Variants in DBN1 observed in about 807,000 individuals in gnomAD.
DBN1 encodes the protein drebrin.
In DBN1, 21 loss-of-function variants were observed where a neutral mutation model predicts 83.5. The ratio of observed to expected loss-of-function variants is 0.25; its 90% CI spans 0.18 to 0.36. The LOEUF (loss-of-function observed/expected upper bound fraction) is 0.36, where lower values mean the gene tolerates loss of function less well. Among genes scored for constraint, DBN1 ranks in the 10% least tolerant of loss-of-function variants. DBN1 has a pLI of 1.00. For missense variants in DBN1, 874 were observed against 935.7 expected (o/e 0.93, Z 0.86); for synonymous variants, 381 against 384.9 (o/e 0.99, Z 0.12).
intron 1 of DBN1, among the ~76,000 whole-genome samples, chr5:177,470,443 CT>C (rs1024448074): frequency 6.6e-6 from 1 of 152,156 alleles, no homozygotes; most frequent in African/African-American, 2.4e-5. Context: ...TCCTCAGCCC[CT>C]GGCTCCCCAC....
In DBN1 at chr5:177,472,235, C is replaced by A. The variant is rs376558612; in HGVS notation, c.86+1201G>T. On this transcript the variant is annotated intron_variant, in intron 1 of 14. Transcript: ENST00000393565. Reference sequence around the variant, plus strand: ...TCTCATCCTCTCCTCCAGAAGCCCCCAGGTCAGAGTCCCCACCTGGCTGCC... The same window carrying A: ...TCTCATCCTCTCCTCCAGAAGCCCCAAGGTCAGAGTCCCCACCTGGCTGCC... The A allele has an allele frequency of 4.3e-6, 7 of 1,613,336 alleles. No homozygotes were observed. The Admixed American group carries it at 1.2e-4, about 27-fold the overall frequency.
rs1554104417 is a variant in DBN1, at chr5:177,472,117, A to C, written c.86+1319T>G. 1.9e-6 allele frequency: 3 copies of C among 1,607,196 alleles called. No individual in the cohort carries two copies. In the South Asian group the frequency reaches 3.3e-5, roughly 18 times the overall value. On this transcript the variant is annotated intron_variant, in intron 1 of 14. Transcript: ENST00000393565. ...CCTGTGCCGGCCTCTCCTGTGACTG[A>C]CCTGCAGGACACGAGAGCTTGTCTC... is the stretch of plus-strand genomic sequence containing the variant.
In DBN1 at chr5:177,472,173, G is replaced by C. The variant is rs1158491233; in HGVS notation, c.86+1263C>G. On this transcript the variant is annotated intron_variant, in intron 1 of 14. Coordinates refer to ENST00000393565, the MANE Select transcript of DBN1 (RefSeq NM_001363541.2). ...TCCATCCCTCCAGGCCTGGCTGCTG[G>C]CCAGTGCTGCAGTACCATGCCATGG... 2.5e-6 allele frequency: 4 copies of C among 1,613,530 alleles called. No homozygotes were observed. The Admixed American group carries it at 6.7e-5, about 27-fold the overall frequency.
chr5:177,473,364 GGGCGGGAGAGAAACAAAGGCGC>G, intron 1 of DBN1, 50 bp downstream of exon 1: 1 of 920,398 alleles, frequency 1.1e-6, no homozygotes, highest in Non-Finnish European at 1.5e-6. Context: ...CGGGGCGGCG[GGGCGGGAGAGAAACAAAGGCGC>G]GGCGGCGGCG....
intron 8 of DBN1, among the ~76,000 whole-genome samples, chr5:177,463,651 G>A (rs760711325): frequency 6.6e-5 from 10 of 152,222 alleles, no homozygotes; most frequent in African/African-American, 1.7e-4. Context: ...ACACTGACCT[G>A]CTAGAATGTC....
intron 8 of DBN1, among the ~76,000 whole-genome samples, chr5:177,465,144 T>C (rs1399311023): frequency 2.0e-5 from 3 of 152,184 alleles, no homozygotes; most frequent in South Asian, 2.1e-4. Flanking sequence ...CAGAGCGAGA[T>C]TCCGTCTCAA....
chr5:177,461,283 A>T (rs868497858), intron 8 of DBN1, among the ~76,000 whole-genome samples: 1 of 150,906 alleles, frequency 6.6e-6, no homozygotes, highest in Admixed American at 6.6e-5. Context: ...TATTTTTAGT[A>T]GAGACAGGGT....
intron 1 of DBN1, among the ~76,000 whole-genome samples, chr5:177,469,362 C>G (rs1208695319): frequency 1.3e-5 from 2 of 152,092 alleles, no homozygotes; most frequent in Non-Finnish European, 2.9e-5. Context: ...GTGCTCCCAA[C>G]AGCTCTGGGC....
At chr5:177,472,293 G>A (rs1757906840) in intron 1 of DBN1, 2 of 1,584,842 alleles carry the variant, frequency 1.3e-6, no homozygotes, top group Admixed American at 1.8e-5. Context: ...AGCCCAAGCG[G>A]GGTCCCTCAG....
rs754868735 is a variant in DBN1, at chr5:177,467,084, AGG to A, written c.556-24_556-23del. 1.2e-6 allele frequency: 2 copies of A among 1,613,340 alleles called. No homozygotes were observed. The highest frequency in any genetic ancestry group is 1.7e-6 in the Non-Finnish European group (2 of 1,179,868). On this transcript the variant is annotated intron_variant, in intron 6 of 14. Coordinates refer to ENST00000393565, the MANE Select transcript of DBN1 (RefSeq NM_001363541.2). The surrounding 1 kb of genome is among the most constrained non-coding windows in gnomAD (Gnocchi z 9.1). ...CCTTCTGCAAGCCCCGGTGCGAACA[AGG>A]GTAGGCCCCGAGCCTAGGCGCCTGG...
chr5:177,473,546 G>C lies in DBN1; in HGVS notation c.-25C>G. The C allele has an allele frequency of 7.4e-7, 1 of 1,342,378 alleles. No individual in the cohort carries two copies. The highest frequency in any genetic ancestry group is 2.9e-5 in the Admixed American group (1 of 34,034). The allele number at this position is 1,342,378 out of a possible 1,614,324, so 83.2% of individuals were successfully genotyped here. On this transcript the variant is annotated 5_prime_UTR_variant, in exon 1 of 15. Transcript: ENST00000393565. ...TGCTTCGGGCCGGACCGGGCCGAAC[G>C]GACAGACGCGCGGACGGACGGGCGG...
Position 177,457,837 on chromosome 5 carries a change from A to G in DBN1, c.1915-80T>C, listed in dbSNP as rs746693626. On this transcript the variant is annotated intron_variant, in intron 13 of 14. Coordinates refer to ENST00000393565, the MANE Select transcript of DBN1 (RefSeq NM_001363541.2). The stretch of plus-strand genomic sequence containing the variant: ...CTATCAGGCCTGAGCCCGTTTCCCC[A>G]GCAACCAATGATTCCATCAGTGGTT... 1.4e-5 allele frequency: 16 copies of G among 1,129,464 alleles called. No individual in the cohort carries two copies. In the African/African-American group the frequency reaches 2.2e-4, roughly 15 times the overall value. The allele number at this position is 1,129,464 out of a possible 1,614,324, so 70.0% of individuals were successfully genotyped here. A position where few individuals can be genotyped will look rare whatever the true frequency, so the allele number is the denominator to read the frequency against.
In DBN1 at chr5:177,467,400, A is replaced by G. The variant is rs1757522074; in HGVS notation, c.478-68T>C. ...AGGAACCCCCGACACCTAAAGGGTGAGAGCTAAGAGGGACCGGGCAGGCCA... is the reference window on the plus strand; with the variant it reads ...AGGAACCCCCGACACCTAAAGGGTGGGAGCTAAGAGGGACCGGGCAGGCCA... On this transcript the variant is annotated intron_variant, in intron 5 of 14. Coordinates refer to ENST00000393565, the MANE Select transcript of DBN1 (RefSeq NM_001363541.2). This position sits in a 1 kb window ranked among gnomAD's most constrained non-coding sequence, Gnocchi z 9.1. The G allele has an allele frequency of 1.2e-6, 2 of 1,613,480 alleles. No homozygotes were observed. Among genetic ancestry groups the G allele is most frequent in the Admixed American group, 1.7e-5 (1 of 60,012 alleles).
chr5:177,473,399 G>T, intron 1 of DBN1, 37 bp downstream of exon 1: 4 of 1,233,632 alleles, frequency 3.2e-6, no homozygotes, highest in Non-Finnish European at 3.2e-6. Flanking sequence ...CGGCGGCGCG[G>T]GGACAAAGGG....
At chr5:177,463,068 A>T (rs530220352) in intron 8 of DBN1, among the ~76,000 whole-genome samples, 1 of 151,786 alleles carries the variant, frequency 6.6e-6, no homozygotes, top group South Asian at 2.1e-4. Context: ...TCTGAGACAG[A>T]GTCTTTCACT....
intron 1 of DBN1, among the ~76,000 whole-genome samples, chr5:177,470,859 C>G (rs1016080739): frequency 6.6e-6 from 1 of 152,114 alleles, no homozygotes; most frequent in Admixed American, 6.6e-5. Flanking sequence ...TGGAAGCTGG[C>G]GAAACCACAG....
intron 12 of DBN1, 29 bp downstream of exon 12, chr5:177,459,069 G>A: frequency 1.3e-6 from 2 of 1,576,244 alleles, no homozygotes; most frequent in Non-Finnish European, 1.7e-6. Flanking sequence ...ATGATGGGAG[G>A]CCTGGTGCAG....
chr5:177,457,736 G>T lies in DBN1; in HGVS notation c.1936C>A (p.Gln646Lys). Residue 646 changes from glutamine (Q) to lysine (K), a missense_variant, in exon 14 of 15, where the codon CAA (glutamine) becomes AAA (lysine). Gln to Lys is a moderately conservative substitution (Grantham distance 53). This residue lies in a region of DBN1 where 725 missense variants were observed against 719.7 expected (regional missense o/e 1.01). Coordinates refer to ENST00000393565, the MANE Select transcript of DBN1 (RefSeq NM_001363541.2). ...TGGGCAAACTCCTCCTCCTGTGATTGACTGAAGTACCCCTCACTGGCCTGC... is the reference window on the plus strand; with the variant it reads ...TGGGCAAACTCCTCCTCCTGTGATTTACTGAAGTACCCCTCACTGGCCTGC... ...GTQASEGYFSQSQEEEFAQSE... is the reference protein window; with the variant it reads ...GTQASEGYFSKSQEEEFAQSE... 6.2e-7 allele frequency: 1 copy of T among 1,611,430 alleles called. No homozygotes were observed. The highest frequency in any genetic ancestry group is 1.1e-5 in the South Asian group (1 of 90,992).
intron 1 of DBN1, chr5:177,472,808 G>A (rs1031659110): frequency 2.1e-5 from 21 of 986,206 alleles, no homozygotes; most frequent in Middle Eastern, 5.1e-4. Context: ...GGCGGTAAGG[G>A]AGTCACTTCG....
Sources: gnomAD v4.1 joint callset for allele counts (sites outside exome capture counted in the v4.1 genomes callset) on GRCh38, gnomAD v4.1.1 for gene constraint, gnomAD v4.1.1 regional missense constraint, Gnocchi (gnomAD v3.1) non-coding constraint, MANE v1.5 for transcripts, NCBI Gene and HGNC (gene_info 2026-07-23, HGNC 2026-07-21) for gene names.